Variants in CUL9 observed in about 807,000 individuals in gnomAD.
CUL9 encodes the protein cullin 9.
A neutral mutation model predicts 272.6 loss-of-function variants in CUL9; 79 were observed. The ratio of observed to expected loss-of-function variants is 0.29; its 90% CI spans 0.24 to 0.35. The LOEUF is 0.35. CUL9 is among the 10% of genes least tolerant of loss of function. The probability of loss-of-function intolerance (pLI) is 1.00; values close to 1 mark genes in which losing one functional copy is unlikely to be tolerated. For missense variants in CUL9, 2,532 were observed against 3,255.6 expected, an observed-to-expected ratio of 0.78 and a Z score of 5.41; for synonymous variants, 1,186 against 1,286.5, an observed-to-expected ratio of 0.92 and a Z score of 1.67.
intron 31 of CUL9, among the ~76,000 whole-genome samples, chr6:43,219,916 G>A (rs1759323968): frequency 6.6e-6 from 1 of 152,138 alleles, no homozygotes; most frequent in Admixed American, 6.5e-5. Flanking sequence ...GGTGACGAGG[G>A]GGACAGTGGT....
chr6:43,186,592 C>T (rs1772939422), intron 4 of CUL9, 137 bp downstream of exon 4: 1 of 1,303,208 alleles, frequency 7.7e-7, no homozygotes, highest in Non-Finnish European at 1.0e-6. Flanking sequence ...AGGGGGTTGG[C>T]ATTTGTGCGG....
At position 43,223,635 on chromosome 6, in the gene CUL9, A is replaced by C; in HGVS notation, c.7284+238A>C. On this transcript the variant is annotated intron_variant, in intron 39 of 40. Coordinates refer to ENST00000252050, the MANE Select transcript of CUL9 (RefSeq NM_015089.4). The surrounding 1 kb of genome is among the most constrained non-coding windows in gnomAD (Gnocchi z 4.1). ...ATAAAGGGGTTGGCTAGCCCACATC[A>C]AGGGTATTTGGTCAGGTGCCTATCA... 1 of 579,248 alleles carries C rather than the reference A, an allele frequency of 1.7e-6. No homozygotes were observed. Among genetic ancestry groups the C allele is most frequent in the South Asian group, 2.4e-5 (1 of 42,212 alleles). 35.9% of individuals were successfully genotyped at this position (579,248 alleles called of 1,614,324 possible).
Position 43,213,607 on chromosome 6 carries a change from C to A in CUL9, c.5488+40C>A. On this transcript the variant is annotated intron_variant, in intron 28 of 40. Transcript: ENST00000252050. This position sits in a 1 kb window ranked among gnomAD's most constrained non-coding sequence, Gnocchi z 5.7. ...GCCGGGCTGAGCCTCTGCTGCTGGT[C>A]GGGGGGTCGCCCTCAAGATGGGGGG... is the stretch of plus-strand genomic sequence containing the variant. The A allele has an allele frequency of 1.2e-6, 2 of 1,601,552 alleles. No individual in the cohort carries two copies. The highest frequency in any genetic ancestry group is 1.1e-5 in the South Asian group (1 of 90,126).
Position 43,197,252 on chromosome 6 carries a change from G to A in CUL9, c.2803+390G>A, listed in dbSNP as rs555975810. ...AGTAGAGACAGGGTTTCACCATGTT[G>A]GCCAGGCTGATCTGGAACTCCTGAC... is the stretch of plus-strand genomic sequence containing the variant. On this transcript the variant is annotated intron_variant, in intron 11 of 40. Transcript: ENST00000252050. 6.6e-5 allele frequency among the ~76,000 whole-genome samples: 10 copies of A among 151,966 alleles called. No individual in the cohort carries two copies. In the South Asian group the frequency reaches 8.3e-4, roughly 13 times the overall value.
At position 43,221,820 on chromosome 6, in the gene CUL9, G is replaced by A. The variant is rs747253411; in HGVS notation, c.6846+42G>A. The A allele has an allele frequency of 4.3e-5, 67 of 1,552,736 alleles. No individual in the cohort carries two copies. The Middle Eastern group carries it at 1.2e-3, about 27-fold the overall frequency. ...TAGGGGAGGGCAGAGGCCCAGAGCC[G>A]TCGGGGAGGGGTGCTGCTACCAGGT... On this transcript the variant is annotated intron_variant, in intron 35 of 40. Transcript: ENST00000252050. The surrounding 1 kb of genome is among the most constrained non-coding windows in gnomAD (Gnocchi z 4.2).
chr6:43,186,193 C>T lies in CUL9; in HGVS notation c.989C>T (p.Pro330Leu). 1 of 1,614,224 alleles carries T rather than the reference C, an allele frequency of 6.2e-7. No homozygotes were observed. Among genetic ancestry groups the T allele is most frequent in the Non-Finnish European group, 8.5e-7 (1 of 1,180,040 alleles). ...AACCTCAGCGAACAGGGCATGTCAC[C>T]TCCCCGGCCAACCCGGTCCATCTTT... Reference protein sequence around the residue: ...ARNLSEQGMSPPRPTRSIFQP... With the variant: ...ARNLSEQGMSLPRPTRSIFQP... The change falls in exon 4 of 41, where the codon CCT (proline) becomes CTT (leucine). Residue 330 changes from proline to leucine, a missense_variant. Physicochemically the swap from Pro to Leu is moderately conservative, Grantham distance 98. This residue lies in a region of CUL9 where 2,218 missense variants were observed against 2,788.6 expected (regional missense o/e 0.80). Transcript: ENST00000252050.
intron 26 of CUL9, among the ~76,000 whole-genome samples, chr6:43,211,709 C>T (rs1329469376): frequency 6.6e-6 from 1 of 151,998 alleles, no homozygotes; most frequent in African/African-American, 2.4e-5. Flanking sequence ...ACAGACTAAA[C>T]TCCAACATAT....
In CUL9 at chr6:43,224,238, G is replaced by T; in HGVS notation, c.7359-12G>T. The T allele has an allele frequency of 6.2e-7, 1 of 1,614,162 alleles. No homozygotes were observed. The highest frequency in any genetic ancestry group is 1.1e-5 in the South Asian group (1 of 91,082). On this transcript the variant is annotated splice_polypyrimidine_tract_variant and intron_variant, in intron 40 of 40. Coordinates refer to ENST00000252050, the MANE Select transcript of CUL9 (RefSeq NM_015089.4). The surrounding 1 kb of genome is among the most constrained non-coding windows in gnomAD (Gnocchi z 4.2). ...CAGCCTCCTCTGGGCTGAGTGTGGT[G>T]GCTCTCCCTAGGCCCCAGGCCTCCT...
At chr6:43,222,452 G>T (rs1582442596) in intron 36 of CUL9, 62 bp downstream of exon 36, 2 of 1,583,224 alleles carry the variant, frequency 1.3e-6, no homozygotes, top group Non-Finnish European at 1.7e-6. Context: ...GTGGGGTGGA[G>T]GGGGGTGGGC....
At position 43,218,482 on chromosome 6, in the gene CUL9, C is replaced by G. The variant is rs967832622; in HGVS notation, c.6283-1977C>G. Among the ~76,000 whole-genome samples, 1 of 152,208 alleles carries G rather than the reference C, an allele frequency of 6.6e-6. No homozygotes were observed. The highest frequency in any genetic ancestry group is 1.5e-5 in the Non-Finnish European group (1 of 68,042). ...CCACCCACCTCAGCCTCCCAAAGTGCTGGAATTACAGGCGTGAGCCACTGC... is the reference window on the plus strand; with the variant it reads ...CCACCCACCTCAGCCTCCCAAAGTGGTGGAATTACAGGCGTGAGCCACTGC... On this transcript the variant is annotated intron_variant, in intron 31 of 40. Transcript: ENST00000252050. This position sits in a 1 kb window ranked among gnomAD's most constrained non-coding sequence, Gnocchi z 4.4.
At position 43,223,164 on chromosome 6, in the gene CUL9, C is replaced by T; in HGVS notation, c.7151-100C>T. ...GGGAGCTTCATGAGAATGTCTAGAG[C>T]TGCACCTGGTGCTTGGTAGACGTTC... On this transcript the variant is annotated intron_variant, in intron 38 of 40. Transcript: ENST00000252050. The surrounding 1 kb of genome is among the most constrained non-coding windows in gnomAD (Gnocchi z 4.1). 6.9e-7 allele frequency: 1 copy of T among 1,444,830 alleles called. No homozygotes were observed. The highest frequency in any genetic ancestry group is 9.3e-7 in the Non-Finnish European group (1 of 1,074,750). 89.5% of individuals were successfully genotyped at this position (1,444,830 alleles called of 1,614,324 possible).
At position 43,221,875 on chromosome 6, in the gene CUL9, C is replaced by A; in HGVS notation, c.6846+97C>A. 1 of 1,042,272 alleles carries A rather than the reference C, an allele frequency of 9.6e-7. No homozygotes were observed. The highest frequency in any genetic ancestry group is 1.4e-6 in the Non-Finnish European group (1 of 707,228). 64.6% of individuals were successfully genotyped at this position (1,042,272 alleles called of 1,614,324 possible). On this transcript the variant is annotated intron_variant, in intron 35 of 40. Coordinates refer to ENST00000252050, the MANE Select transcript of CUL9 (RefSeq NM_015089.4). The surrounding 1 kb of genome is among the most constrained non-coding windows in gnomAD (Gnocchi z 4.2). ...GGCAGACAGGGCTCCTTGTGCAGTG[C>A]AGCATTCTAGCTGTTGGGATAGAGG... is the stretch of plus-strand genomic sequence containing the variant.
At chr6:43,196,512 G>A (rs1372885515) in intron 10 of CUL9, 133 bp from the exon 11 acceptor site, 6 of 901,528 alleles carry the variant, frequency 6.7e-6, no homozygotes, top group Non-Finnish European at 1.1e-5. Flanking sequence ...AAGGTCAGGG[G>A]ATCAGATGTC....
At position 43,188,091 on chromosome 6, in the gene CUL9, C is replaced by T. The variant is rs1441214498; in HGVS notation, c.1960C>T (p.Pro654Ser). Reference sequence around the variant, plus strand: ...TCTGGTGACTGAGGGGATGACCCTGCCCACTGAGATGAAGGAGGCAGCCAG... The same window carrying T: ...TCTGGTGACTGAGGGGATGACCCTGTCCACTGAGATGAAGGAGGCAGCCAG... ...QLLVTEGMTL[P>S]TEMKEAASEM... The change falls in exon 7 of 41, where the codon CCC becomes TCC. Residue 654 changes from proline (P) to serine (S), a missense_variant. Physicochemically the swap from Pro to Ser is moderately conservative, Grantham distance 74. Around this residue, in one of 3 missense-constraint regions of CUL9, gnomAD observed 2,218 missense variants for 2,788.6 expected, o/e 0.80. Transcript: ENST00000252050. The T allele has an allele frequency of 6.8e-6, 11 of 1,613,544 alleles. No homozygotes were observed. The highest frequency in any genetic ancestry group is 9.3e-6 in the Non-Finnish European group (11 of 1,180,016).
Position 43,186,172 on chromosome 6 carries a change from T to C in CUL9, c.968T>C (p.Leu323Pro). 6.2e-7 allele frequency: 1 copy of C among 1,614,200 alleles called. No individual in the cohort carries two copies. Among genetic ancestry groups the C allele is most frequent in the Non-Finnish European group, 8.5e-7 (1 of 1,180,026 alleles). Residue 323 changes from leucine (L) to proline (P), a missense_variant, in exon 4 of 41, where the codon CTC becomes CCC. Physicochemically the swap from Leu to Pro is moderately conservative, Grantham distance 98. Around this residue, in one of 3 missense-constraint regions of CUL9, gnomAD observed 2,218 missense variants for 2,788.6 expected, o/e 0.80. Coordinates refer to ENST00000252050, the MANE Select transcript of CUL9 (RefSeq NM_015089.4). ...LVRSMGWARNLSEQGMSPPRP... is the reference protein window; with the variant it reads ...LVRSMGWARNPSEQGMSPPRP... ...CGGAGCATGGGCTGGGCCCGGAACC[T>C]CAGCGAACAGGGCATGTCACCTCCC... is the stretch of plus-strand genomic sequence containing the variant.
intron 29 of CUL9, among the ~76,000 whole-genome samples, chr6:43,214,793 T>TG (rs1214996623): frequency 6.7e-6 from 1 of 149,298 alleles, no homozygotes; most frequent in African/African-American, 2.5e-5. Flanking sequence ...GTGAGACTGT[T>TG]GGGAAAAAAA....
Position 43,188,557 on chromosome 6 carries a change from C to A in CUL9, c.2022C>A (p.Arg674=), listed in dbSNP as rs780119699. ...MARALRGPGP[R]SSLDQHVAAV... is the part of the protein sequence containing the mutation. ...GAGCCTTGCGGGGTCCCGGTCCTCG[C>A]AGCTCCCTGGATCAGCATGTGGCAG... is the stretch of plus-strand genomic sequence containing the variant. Residue 674 remains arginine, a synonymous_variant, in exon 8 of 41, where the codon CGC becomes CGA. Coordinates refer to ENST00000252050, the MANE Select transcript of CUL9 (RefSeq NM_015089.4). The A allele has an allele frequency of 1.2e-5, 20 of 1,613,180 alleles. No homozygotes were observed. In the African/African-American group the frequency reaches 2.3e-4, roughly 18 times the overall value.
chr6:43,196,330 C>T (rs1773993418), intron 10 of CUL9, 65 bp downstream of exon 10: 2 of 1,461,258 alleles, frequency 1.4e-6, no homozygotes, highest in South Asian at 2.5e-5. Context: ...CTCCTGTGCT[C>T]CAGGCTCATG....
At chr6:43,192,969 A>G in intron 8 of CUL9, 32 bp from the exon 9 acceptor site, 1 of 1,605,754 alleles carries the variant, frequency 6.2e-7, no homozygotes, top group Non-Finnish European at 8.5e-7. Flanking sequence ...ACTCCTTGGG[A>G]TGGGGAGCCC....
Sources: gnomAD v4.1 joint callset for allele counts (sites outside exome capture counted in the v4.1 genomes callset) on GRCh38, gnomAD v4.1.1 for gene constraint, gnomAD v4.1.1 regional missense constraint, Gnocchi (gnomAD v3.1) non-coding constraint, MANE v1.5 for transcripts, NCBI Gene and HGNC (gene_info 2026-07-23, HGNC 2026-07-21) for gene names.